Variants in TMEM245 observed in about 807,000 individuals in gnomAD.
TMEM245 encodes the protein protein CG-2.
In TMEM245, 69 loss-of-function variants were observed where a neutral mutation model predicts 101.2. That is an observed-to-expected ratio of 0.68 (90% CI 0.56 to 0.83). The LOEUF is 0.83. Among genes scored for constraint, TMEM245 ranks in the 40% least tolerant of loss-of-function variants. The pLI, the probability that TMEM245 is intolerant of heterozygous loss-of-function variation, is 0.00. For synonymous variants in TMEM245, 537 were observed against 449.8 expected (o/e 1.19, Z -2.45); for missense variants, 1,075 against 1,092.8 (o/e 0.98, Z 0.23).
intron 1 of TMEM245, among the ~76,000 whole-genome samples, chr9:109,109,715 GAA>G (rs1830519288): frequency 6.6e-6 from 1 of 152,004 alleles, no homozygotes; most frequent in African/African-American, 2.4e-5. Flanking sequence ...TCAGAACAGT[GAA>G]AAAAGTGATT....
intron 2 of TMEM245, 74 bp from the exon 3 acceptor site, chr9:109,106,683 T>TAAA: frequency 8.9e-7 from 1 of 1,124,328 alleles, no homozygotes; most frequent in Non-Finnish European, 1.3e-6. Context: ...CTCAGTTTTG[T>TAAA]AGTTTGACAG....
chr9:109,119,160 T>C (rs1278616756), intron 1 of TMEM245, among the ~76,000 whole-genome samples, 175 bp downstream of exon 1: 1 of 152,134 alleles, frequency 6.6e-6, no homozygotes, highest in Non-Finnish European at 1.5e-5. Flanking sequence ...CGCCCCCTTT[T>C]TGGAAGAATG....
At position 109,040,980 on chromosome 9, in the gene TMEM245, G is replaced by A. The variant is rs989183083; in HGVS notation, c.2124-2863C>T. On this transcript the variant is annotated intron_variant, in intron 14 of 17. Transcript: ENST00000374586. ...TAGGAGTGGAGATACTGGGTCATAC[G>A]GTATCTATTTAACTTTATAACTAAT... is the stretch of plus-strand genomic sequence containing the variant. Among the ~76,000 whole-genome samples, 7 of 152,174 alleles carry A rather than the reference G, an allele frequency of 4.6e-5. No homozygotes were observed. In the South Asian group the frequency reaches 8.3e-4, roughly 18 times the overall value.
At chr9:109,060,157 C>G (rs1828966219) in intron 11 of TMEM245, among the ~76,000 whole-genome samples, 197 bp downstream of exon 11, 1 of 152,192 alleles carries the variant, frequency 6.6e-6, no homozygotes. Context: ...TACTGACGCA[C>G]CAGAGAGATA....
intron 1 of TMEM245, among the ~76,000 whole-genome samples, chr9:109,112,521 G>C (rs904032102): frequency 6.9e-6 from 1 of 145,100 alleles, no homozygotes; most frequent in Non-Finnish European, 1.5e-5. Flanking sequence ...AGCCTGGGCA[G>C]CAAGAGCAAA....
intron 14 of TMEM245, among the ~76,000 whole-genome samples, chr9:109,044,592 G>C (rs1354021651): frequency 1.3e-5 from 2 of 152,064 alleles, no homozygotes; most frequent in East Asian, 1.9e-4. Flanking sequence ...AGACCAGTCA[G>C]CTTTTAGAGA....
intron 2 of TMEM245, among the ~76,000 whole-genome samples, chr9:109,108,132 C>T (rs1025853280): frequency 2.6e-5 from 4 of 152,138 alleles, no homozygotes; most frequent in Non-Finnish European, 4.4e-5. Flanking sequence ...TCTCTGAGCA[C>T]CTCTTATCGT....
chr9:109,117,504 T>C (rs923773536), intron 1 of TMEM245, among the ~76,000 whole-genome samples: 9 of 152,164 alleles, frequency 5.9e-5, no homozygotes, highest in African/African-American at 2.2e-4. Flanking sequence ...CTACTTCTCT[T>C]CCACTCATCC....
At chr9:109,092,801 T>C (rs1830042208) in intron 4 of TMEM245, among the ~76,000 whole-genome samples, 2 of 152,142 alleles carry the variant, frequency 1.3e-5, no homozygotes, top group Admixed American at 1.3e-4. Flanking sequence ...ACTCTACAGC[T>C]GGTATATCTA....
intron 7 of TMEM245, among the ~76,000 whole-genome samples, chr9:109,084,223 C>T (rs1030127573): frequency 2.0e-5 from 3 of 152,232 alleles, no homozygotes; most frequent in African/African-American, 4.8e-5. Context: ...TTTCTACATA[C>T]CAACATTACC....
chr9:109,057,376 A>G, intron 11 of TMEM245, 54 bp from the exon 12 acceptor site: 1 of 1,586,514 alleles, frequency 6.3e-7, no homozygotes, highest in Non-Finnish European at 8.6e-7. Context: ...TAAAGAACAG[A>G]AAGTATAAAT....
In TMEM245 at chr9:109,091,059, C is replaced by T. The variant is rs370300931; in HGVS notation, c.1013G>A (p.Arg338Gln). The change falls in exon 5 of 18, where the codon CGA (arginine) becomes CAA (glutamine). Residue 338 changes from arginine (R) to glutamine (Q), a missense_variant. Physicochemically the swap from Arg to Gln is conservative, Grantham distance 43. Transcript: ENST00000374586. ...PTSPSPTLGR[R>Q]RPEIGTFLRK... ...AAGAAACGTTCCTATTTCAGGCCTT[C>T]GTCTGCCCAGAGTAGGTGAAGGGGA... 1.2e-4 allele frequency: 193 copies of T among 1,614,106 alleles called. No homozygotes were observed. Among genetic ancestry groups the T allele is most frequent in the Admixed American group, 7.0e-4 (42 of 59,992 alleles).
In TMEM245 at chr9:109,093,517, A is replaced by T; in HGVS notation, c.874T>A (p.Tyr292Asn). The T allele has an allele frequency of 1.9e-6, 3 of 1,614,096 alleles. No homozygotes were observed. The highest frequency in any genetic ancestry group is 2.5e-6 in the Non-Finnish European group (3 of 1,180,006). The change falls in exon 4 of 18, where the codon TAT becomes AAT. Residue 292 changes from tyrosine to asparagine, a missense_variant. Tyr to Asn is a moderately radical substitution (Grantham distance 143, BLOSUM62 -2). Around this residue, in one of 2 missense-constraint regions of TMEM245, gnomAD observed 808 missense variants for 741.5 expected, o/e 1.09. Coordinates refer to ENST00000374586, the MANE Select transcript of TMEM245 (RefSeq NM_032012.4). ...LANLAISITG[Y>N]ESSSEDQPST... ...GGCTGGTCTTCACTGCTTGATTCAT[A>T]CCCTGTGATAGAGATGGCCAAGTTT... is the stretch of plus-strand genomic sequence containing the variant.
rs751840161 is a variant in TMEM245, at chr9:109,020,386, C to G, written c.*74G>C. 1 of 1,448,908 alleles carries G rather than the reference C, an allele frequency of 6.9e-7. No individual in the cohort carries two copies. 89.8% of individuals were successfully genotyped at this position (1,448,908 alleles called of 1,614,324 possible). A position where few individuals can be genotyped will look rare whatever the true frequency, so the allele number is the denominator to read the frequency against. On this transcript the variant is annotated 3_prime_UTR_variant, in exon 18 of 18. Transcript: ENST00000374586. The stretch of plus-strand genomic sequence containing the variant: ...TGCTTGCTAGGCACAGCTGGAAGGG[C>G]AGAGGGCCACAGCTGAGCTGAACTC...
chr9:109,030,690 A>G (rs1296006467), intron 17 of TMEM245, among the ~76,000 whole-genome samples: 1 of 152,184 alleles, frequency 6.6e-6, no homozygotes, highest in East Asian at 1.9e-4. Context: ...CACCACCACC[A>G]AATTGGGAAG....
chr9:109,071,217 T>A (rs750075165), intron 9 of TMEM245, among the ~76,000 whole-genome samples: 1 of 152,158 alleles, frequency 6.6e-6, no homozygotes, highest in Non-Finnish European at 1.5e-5. Context: ...TCCATGTTGG[T>A]ACATGTATCA....
intron 3 of TMEM245, among the ~76,000 whole-genome samples, chr9:109,104,357 A>C (rs73520935): frequency 0.058 from 8,795 of 152,206 alleles, 861 homozygotes; most frequent in African/African-American, 0.2. Flanking sequence ...AATTAAAAAA[A>C]ACACTAAAAA....
chr9:109,037,286 T>C (rs1828157393), intron 15 of TMEM245, among the ~76,000 whole-genome samples: 1 of 152,222 alleles, frequency 6.6e-6, no homozygotes, highest in South Asian at 2.1e-4. Context: ...GACAACAAGT[T>C]GCTCCCTGCC....
At chr9:109,048,326 G>A (rs1430967519) in intron 14 of TMEM245, among the ~76,000 whole-genome samples, 1 of 151,934 alleles carries the variant, frequency 6.6e-6, no homozygotes, top group East Asian at 1.9e-4. Context: ...CATGCATCCT[G>A]TTTGAATGTA....
Sources: gnomAD v4.1 joint callset for allele counts (sites outside exome capture counted in the v4.1 genomes callset) on GRCh38, gnomAD v4.1.1 for gene constraint, gnomAD v4.1.1 regional missense constraint, MANE v1.5 for transcripts, NCBI Gene and HGNC (gene_info 2026-07-23, HGNC 2026-07-21) for gene names.